Variants in TBL1X observed in about 807,000 individuals in gnomAD.
The protein encoded by TBL1X is F-box-like/WD repeat-containing protein TBL1X.
In TBL1X, 10 loss-of-function variants were observed where a neutral mutation model predicts 50.7. The observed-to-expected ratio is 0.20, with a 90% CI of 0.12 to 0.33. The LOEUF is 0.33. Among genes scored for constraint, TBL1X ranks in the 10% least tolerant of loss-of-function variants. The pLI, the probability that TBL1X is intolerant of heterozygous loss-of-function variation, is 1.00. For missense variants in TBL1X, 340 were observed against 504.4 expected (o/e 0.67, Z 3.12); for synonymous variants, 190 against 214.7 (o/e 0.88, Z 1.01).
At chrX:9,632,779 G>A (rs774515240) in intron 2 of TBL1X, among the ~76,000 whole-genome samples, 24 of 112,115 alleles carry the variant, frequency 2.1e-4, no homozygotes, top group African/African-American at 7.8e-4. Context: ...GTATTATGTA[G>A]AGGGTATGCA....
rs781767257 is a variant in TBL1X, at chrX:9,552,357, T to C, written c.-131+50508T>C. 3.6e-5 allele frequency among the ~76,000 whole-genome samples: 4 copies of C among 111,809 alleles called. No individual in the cohort carries two copies. The East Asian group carries it at 1.1e-3, about 32-fold the overall frequency. Reference sequence around the variant, plus strand: ...TCTGTGACTTGGGGATAACAGTACATGTGAGCGTGAAATAAGAGTATAAAT... The same window carrying C: ...TCTGTGACTTGGGGATAACAGTACACGTGAGCGTGAAATAAGAGTATAAAT... On this transcript the variant is annotated intron_variant, in intron 2 of 17. Transcript: ENST00000645353.
At chrX:9,463,451 T>A (rs975180854), upstream of TBL1X, 5 of 112,092 alleles carry the variant, frequency 4.5e-5, no homozygotes, top group African/African-American at 1.6e-4. Flanking sequence ...GATTCACAAT[T>A]ATGGAGACTG....
At chrX:9,634,711 C>T (rs1163247753) in intron 2 of TBL1X, among the ~76,000 whole-genome samples, 4 of 110,721 alleles carry the variant, frequency 3.6e-5, no homozygotes, top group Admixed American at 2.9e-4. Context: ...AGTGTGGAGC[C>T]GTTTTTCAGA....
At chrX:9,467,318 C>G (rs955917454) in intron 1 of TBL1X, among the ~76,000 whole-genome samples, 41 of 111,918 alleles carry the variant, frequency 3.7e-4, no homozygotes, top group African/African-American at 1.2e-3. Context: ...CACACCTCCG[C>G]TAGAACCTGG....
intron 13 of TBL1X, among the ~76,000 whole-genome samples, chrX:9,706,188 C>G (rs1241077503): frequency 1.8e-5 from 2 of 111,836 alleles, no homozygotes; most frequent in African/African-American, 6.5e-5. Context: ...TAAACCACAT[C>G]CGTGGATTTA....
At chrX:9,534,287 T>A (rs769258709) in intron 2 of TBL1X, among the ~76,000 whole-genome samples, 1 of 111,672 alleles carries the variant, frequency 9.0e-6, no homozygotes, top group Non-Finnish European at 1.9e-5. Flanking sequence ...TTTGTGAGGC[T>A]CCTGTCATCT....
chrX:9,562,291 TTCTC>T (rs754705768), intron 2 of TBL1X, among the ~76,000 whole-genome samples: 33 of 112,618 alleles, frequency 2.9e-4, no homozygotes, highest in Non-Finnish European at 5.1e-4. Context: ...TTCTTTTTCT[TTCTC>T]TCACTAAAGA....
intron 2 of TBL1X, among the ~76,000 whole-genome samples, chrX:9,542,766 C>T (rs1256853813): frequency 8.9e-6 from 1 of 111,987 alleles, no homozygotes; most frequent in African/African-American, 3.3e-5. Context: ...CTGTATTCTC[C>T]ACGACTGTAT....
At chrX:9,484,113 TC>T (rs886767405) in intron 1 of TBL1X, among the ~76,000 whole-genome samples, 1 of 111,919 alleles carries the variant, frequency 8.9e-6, no homozygotes, top group Admixed American at 9.5e-5. Flanking sequence ...CAAGCAATCT[TC>T]CTGCCTCAGC....
At chrX:9,469,773 A>AC (rs768595081) in intron 1 of TBL1X, among the ~76,000 whole-genome samples, 46 of 107,096 alleles carry the variant, frequency 4.3e-4, no homozygotes, top group Admixed American at 2.6e-3. Context: ...CTCCACAGTC[A>AC]CCCCCCCCAG....
intron 3 of TBL1X, among the ~76,000 whole-genome samples, 178 bp from the exon 4 acceptor site, chrX:9,653,365 ACT>A (rs2082847036): frequency 9.0e-6 from 1 of 111,705 alleles, no homozygotes; most frequent in African/African-American, 3.3e-5. Flanking sequence ...AGAAAACCAG[ACT>A]CTGTCTTGGC....
At chrX:9,709,221 T>C (rs368942291) in intron 13 of TBL1X, 27 bp from the exon 14 acceptor site, 6 of 1,205,277 alleles carry the variant, frequency 5.0e-6, no homozygotes, top group Non-Finnish European at 6.7e-6. Context: ...CCTGATGTCT[T>C]TTTCACACTC....
intron 2 of TBL1X, among the ~76,000 whole-genome samples, chrX:9,588,106 A>G (rs779217128): frequency 8.2e-4 from 92 of 112,653 alleles, no homozygotes; most frequent in African/African-American, 2.8e-3. Context: ...AACAATAAAA[A>G]AATACAAGTT....
At chrX:9,684,830 C>T (rs1347585186) in intron 6 of TBL1X, among the ~76,000 whole-genome samples, 1 of 111,907 alleles carries the variant, frequency 8.9e-6, no homozygotes, top group Non-Finnish European at 1.9e-5. Flanking sequence ...TCGGAGTGGA[C>T]GTTTGCCTTG....
intron 2 of TBL1X, among the ~76,000 whole-genome samples, chrX:9,512,968 C>T (rs2082063760): frequency 9.0e-6 from 1 of 111,179 alleles, no homozygotes; most frequent in Non-Finnish European, 1.9e-5. Flanking sequence ...CTTGAGCCTA[C>T]AACCACAGGG....
intron 2 of TBL1X, among the ~76,000 whole-genome samples, chrX:9,561,867 T>C (rs1174089023): frequency 8.9e-6 from 1 of 112,187 alleles, no homozygotes; most frequent in African/African-American, 3.2e-5. Flanking sequence ...TAAATGAAAT[T>C]GAAGACAGTA....
rs191582233 is a variant in TBL1X at position 9,719,426 on chromosome X, A to G, written c.*3180A>G. On this transcript the variant is annotated 3_prime_UTR_variant, in exon 18 of 18. Transcript: ENST00000645353. ...TTTGTTCCGCCATTTAAAAAAAGAA[A>G]AAAAAAAAGCTTATGTTTCTTGTCA... The G allele has an allele frequency of 4.5e-4, 50 of 112,268 alleles. No individual in the cohort carries two copies. Among genetic ancestry groups the G allele is most frequent in the African/African-American group, 1.5e-3 (46 of 30,830 alleles). 9.3% of individuals were successfully genotyped at this position (112,268 alleles called of 1,213,427 possible). A position where few individuals can be genotyped will look rare whatever the true frequency, so the allele number is the denominator to read the frequency against.
rs758729641 is a variant in TBL1X at position 9,705,205 on chromosome X, G to A, written c.1236+91G>A. Reference sequence around the variant, plus strand: ...GTGCCTAGAATTAAAAGCTACTGCAGCAGCAGACCAGCTCTAATGTGCCCC... The same window carrying A: ...GTGCCTAGAATTAAAAGCTACTGCAACAGCAGACCAGCTCTAATGTGCCCC... On this transcript the variant is annotated intron_variant, in intron 13 of 17. Coordinates refer to ENST00000645353, the MANE Select transcript of TBL1X (RefSeq NM_005647.4). The A allele has an allele frequency of 3.4e-6, 4 of 1,170,087 alleles. No individual in the cohort carries two copies. In the South Asian group the frequency reaches 5.6e-5, roughly 16 times the overall value.
At chrX:9,662,966 T>G (rs2082907164) in intron 5 of TBL1X, among the ~76,000 whole-genome samples, 2 of 111,438 alleles carry the variant, frequency 1.8e-5, no homozygotes, top group African/African-American at 6.5e-5. Flanking sequence ...CTTAAAAATT[T>G]TTTTTAAAAA....
Sources: gnomAD v4.1 joint callset for allele counts (sites outside exome capture counted in the v4.1 genomes callset) on GRCh38, gnomAD v4.1.1 for gene constraint, MANE v1.5 for transcripts, NCBI Gene and HGNC (gene_info 2026-07-23, HGNC 2026-07-21) for gene names.